Variants in RBFOX2 observed in about 807,000 individuals in gnomAD.
RBFOX2 encodes the protein RNA binding protein fox-1 homolog 2.
A neutral mutation model predicts 49.1 loss-of-function variants in RBFOX2; 10 were observed. The observed-to-expected ratio is 0.20, with a 90% CI of 0.13 to 0.35. The LOEUF (loss-of-function observed/expected upper bound fraction) is 0.35, where lower values mean the gene tolerates loss of function less well. Among genes scored for constraint, RBFOX2 ranks in the 10% least tolerant of loss-of-function variants. The pLI is 1.00. For synonymous variants in RBFOX2, 183 were observed against 187.4 expected (o/e 0.98, Z 0.19); for missense variants, 323 against 486.9 (o/e 0.66, Z 3.17).
chr22:35,897,347 A>C (rs2047978896), intron 1 of RBFOX2: 1 of 1,336,280 alleles, frequency 7.5e-7, no homozygotes, highest in South Asian at 1.2e-5. Flanking sequence ...GCAGCACCTC[A>C]ATGGCCTTGA....
intron 1 of RBFOX2, among the ~76,000 whole-genome samples, chr22:35,983,111 T>G (rs2057540743): frequency 6.6e-6 from 1 of 152,208 alleles, no homozygotes; most frequent in Non-Finnish European, 1.5e-5. Context: ...ATAAGCAATT[T>G]TTTCCTCATT....
At chr22:36,011,966 TG>T (rs1242061829) in intron 1 of RBFOX2, among the ~76,000 whole-genome samples, 1 of 152,226 alleles carries the variant, frequency 6.6e-6, no homozygotes, top group African/African-American at 2.4e-5. Context: ...AGCAGAGGGC[TG>T]GTACAGATAA....
Position 35,858,826 on chromosome 22 carries a change from CAAAAAAAAA to C in RBFOX2, c.-33-48831_-33-48823del, listed in dbSNP as rs771614258. 3.3e-4 allele frequency among the ~76,000 whole-genome samples: 18 copies of C among 53,738 alleles called. No homozygotes were observed. The Admixed American group carries it at 3.4e-3, about 10-fold the overall frequency. 35.3% of individuals were successfully genotyped at this position (53,738 alleles called of 152,430 possible). The stretch of plus-strand genomic sequence containing the variant: ...GGGCAACAAGAGTGAGACTCTGTCT[CAAAAAAAAA>C]AAAAAAAAAAAGAATTAAGCTAAAA... On this transcript the variant is annotated intron_variant, in intron 1 of 13. Coordinates refer to the RBFOX2 transcript ENST00000359369.
chr22:35,959,088 T>G (rs2055916497), intron 1 of RBFOX2, among the ~76,000 whole-genome samples: 1 of 152,122 alleles, frequency 6.6e-6, no homozygotes, highest in African/African-American at 2.4e-5. Context: ...GGTGGCCCTT[T>G]CTAAGGGACT....
chr22:35,978,708 T>C (rs2057315746), intron 1 of RBFOX2, among the ~76,000 whole-genome samples: 1 of 152,146 alleles, frequency 6.6e-6, no homozygotes, highest in African/African-American at 2.4e-5. Context: ...AGTATAATTA[T>C]AGAAATGGAC....
intron 1 of RBFOX2, among the ~76,000 whole-genome samples, chr22:35,855,960 T>C (rs1164076252): frequency 2.6e-5 from 4 of 151,634 alleles, no homozygotes; most frequent in South Asian, 2.1e-4. Context: ...TGAGCTGAGA[T>C]TGTGCCACTG....
At chr22:35,963,379 A>C (rs1448713511), upstream of RBFOX2, among the ~76,000 whole-genome samples, 1 of 152,188 alleles carries the variant, frequency 6.6e-6, no homozygotes, top group Non-Finnish European at 1.5e-5. Flanking sequence ...CCTTGTGTGA[A>C]AGCATTCCTA....
At chr22:35,785,065 A>C (rs1946111110) in intron 2 of RBFOX2, among the ~76,000 whole-genome samples, 1 of 152,128 alleles carries the variant, frequency 6.6e-6, no homozygotes, top group South Asian at 2.1e-4. Context: ...TAGCGAGATC[A>C]AAACTCACTG....
intron 1 of RBFOX2, among the ~76,000 whole-genome samples, chr22:35,911,743 A>G (rs912219067): frequency 6.6e-6 from 1 of 152,148 alleles, no homozygotes; most frequent in Non-Finnish European, 1.5e-5. Context: ...TTTAGAAGGT[A>G]TAAGTACCTT....
chr22:35,957,524 C>T, intron 1 of RBFOX2, among the ~76,000 whole-genome samples: 1 of 152,190 alleles, frequency 6.6e-6, no homozygotes, highest in East Asian at 1.9e-4. Flanking sequence ...TTTTAAATGT[C>T]TTTCTCAAGG....
chr22:35,744,168 TG>T (rs749176289), exon 12 of RBFOX2: 7 of 1,594,246 alleles, frequency 4.4e-6, no homozygotes, highest in Admixed American at 3.5e-5. Flanking sequence ...CCTCATGAAC[TG>T]GGGGGCTGTC....
intron 1 of RBFOX2, among the ~76,000 whole-genome samples, chr22:35,982,205 C>T (rs1304969311): frequency 6.6e-6 from 1 of 152,122 alleles, no homozygotes; most frequent in Non-Finnish European, 1.5e-5. Context: ...CTTTTGAACA[C>T]AAAAGACCGA....
chr22:35,862,381 G>T (rs530031649), intron 1 of RBFOX2, among the ~76,000 whole-genome samples: 5 of 150,532 alleles, frequency 3.3e-5, no homozygotes, highest in African/African-American at 9.8e-5. Flanking sequence ...CTTTGGAGGG[G>T]GGGGGGAATG....
chr22:35,862,388 A>G (rs1344919569), intron 1 of RBFOX2, among the ~76,000 whole-genome samples: 8 of 146,214 alleles, frequency 5.5e-5, no homozygotes, highest in East Asian at 4.0e-4. Context: ...GGGGGGGGGG[A>G]ATGATAAAAG....
intron 1 of RBFOX2, among the ~76,000 whole-genome samples, chr22:35,988,149 A>G (rs916757114): frequency 6.6e-6 from 1 of 152,230 alleles, no homozygotes; most frequent in African/African-American, 2.4e-5. Flanking sequence ...GCCTTTGAAC[A>G]TGACTTTGTT....
intron 1 of RBFOX2, among the ~76,000 whole-genome samples, chr22:35,977,143 T>C (rs1439466343): frequency 6.6e-6 from 1 of 152,126 alleles, no homozygotes; most frequent in Non-Finnish European, 1.5e-5. Flanking sequence ...ATATCCATTA[T>C]ATACCTATCA....
chr22:35,852,964 C>A (rs993723731), intron 1 of RBFOX2, among the ~76,000 whole-genome samples: 3 of 152,080 alleles, frequency 2.0e-5, no homozygotes, highest in African/African-American at 7.2e-5. Flanking sequence ...CTAGACTATA[C>A]ATACAAGGTG....
chr22:36,013,091 G>A (rs1009386038), intron 1 of RBFOX2, among the ~76,000 whole-genome samples: 1 of 152,002 alleles, frequency 6.6e-6, no homozygotes, highest in African/African-American at 2.4e-5. Flanking sequence ...ATTATATCCT[G>A]GGCACAAGGC....
intron 1 of RBFOX2, among the ~76,000 whole-genome samples, chr22:35,946,831 A>G (rs1490037272): frequency 6.6e-6 from 1 of 152,222 alleles, no homozygotes; most frequent in Non-Finnish European, 1.5e-5. Context: ...TGACATACAC[A>G]GTCAAGGCCA....
Sources: gnomAD v4.1 joint callset for allele counts (sites outside exome capture counted in the v4.1 genomes callset) on GRCh38, gnomAD v4.1.1 for gene constraint, MANE v1.5 for transcripts, NCBI Gene and HGNC (gene_info 2026-07-23, HGNC 2026-07-21) for gene names.